The following MAP3K13 variants were observed in gnomAD, a reference collection of about 807,000 sequenced individuals.
MAP3K13 encodes leucine zipper-bearing kinase.
Under a neutral mutation model 104.0 loss-of-function variants are expected in MAP3K13, and 52 were observed. The observed-to-expected ratio is 0.50, with a 90% CI of 0.40 to 0.63. The LOEUF (loss-of-function observed/expected upper bound fraction) is 0.63, where lower values mean the gene tolerates loss of function less well. Among genes scored for constraint, MAP3K13 ranks in the 20% least tolerant of loss-of-function variants. The probability of loss-of-function intolerance (pLI) is 0.00; values close to 1 mark genes in which losing one functional copy is unlikely to be tolerated. For missense variants in MAP3K13, 914 were observed against 1,218.5 expected (o/e 0.75, Z 3.72); for synonymous variants, 394 against 442.2 (o/e 0.89, Z 1.37).
chr3:185,374,907 C>T (rs1255194936), intron 1 of MAP3K13, among the ~76,000 whole-genome samples: 1 of 151,950 alleles, frequency 6.6e-6, no homozygotes, highest in Non-Finnish European at 1.5e-5. Context: ...TAGAGGGTGG[C>T]ATAAGAATGG....
At chr3:185,292,285 A>C (rs983703748) in intron 2 of MAP3K13, 1 of 152,426 alleles carries the variant, frequency 6.6e-6, no homozygotes, top group African/African-American at 2.4e-5. Flanking sequence ...AGCCTGGGTG[A>C]CAGAGCGAGA....
intron 2 of MAP3K13, among the ~76,000 whole-genome samples, chr3:185,313,819 A>T (rs1721581375): frequency 6.6e-6 from 1 of 152,152 alleles, no homozygotes; most frequent in Non-Finnish European, 1.5e-5. Context: ...GTAACCCAGA[A>T]ACTGGCTACC....
At chr3:185,384,316 G>GTGTC (rs1471103269) in intron 1 of MAP3K13, among the ~76,000 whole-genome samples, 1 of 151,516 alleles carries the variant, frequency 6.6e-6, no homozygotes, top group African/African-American at 2.4e-5. Flanking sequence ...TTCTGTGTGT[G>GTGTC]TGTGTGTGTG....
chr3:185,448,234 TTAGTA>T (rs1715698169), intron 5 of MAP3K13: 1 of 457,334 alleles, frequency 2.2e-6, no homozygotes, highest in African/African-American at 2.0e-5. Flanking sequence ...AAATGATCAT[TTAGTA>T]TAGAAGTCTT....
At chr3:185,407,869 ATTTTT>A (rs35693572) in intron 1 of MAP3K13, among the ~76,000 whole-genome samples, 1 of 69,086 alleles carries the variant, frequency 1.4e-5, no homozygotes, top group Non-Finnish European at 2.7e-5. Context: ...AATTTTGAGA[ATTTTT>A]TTTTTTTTTT....
rs1560118249 is a variant in MAP3K13, at chr3:185,455,057, G to GATATATA, written c.1278+3662_1278+3663insATATATA. 4.5e-5 allele frequency among the ~76,000 whole-genome samples: 4 copies of GATATATA among 89,200 alleles called. 1 individual carries two copies. The highest frequency in any genetic ancestry group is 1.8e-4 in the African/African-American group (4 of 21,646). The allele number at this position is 89,200 out of a possible 152,430, so 58.5% of individuals were successfully genotyped here. On this transcript the variant is annotated intron_variant, in intron 7 of 13. Transcript: ENST00000265026. ...TATATGATATATATATGAGATATAT[G>GATATATA]TGAGATATATATGAGATATATGTGA...
chr3:185,417,805 A>G, intron 1 of MAP3K13: 2 of 1,611,880 alleles, frequency 1.2e-6, no homozygotes, highest in African/African-American at 2.7e-5. Flanking sequence ...TAGCTTCAAC[A>G]TGATTCTCAA....
At chr3:185,339,633 C>A (rs1431643128) in intron 2 of MAP3K13, among the ~76,000 whole-genome samples, 1 of 152,148 alleles carries the variant, frequency 6.6e-6, no homozygotes, top group African/African-American at 2.4e-5. Flanking sequence ...TTTTGTGAGC[C>A]ATGTAGTCTC....
upstream of MAP3K13, among the ~76,000 whole-genome samples, chr3:185,360,232 A>G (rs1010945432): frequency 1.3e-5 from 2 of 152,184 alleles, no homozygotes; most frequent in Non-Finnish European, 2.9e-5. Context: ...CTAGAGTTGC[A>G]TTGTTGCATA....
intron 2 of MAP3K13, among the ~76,000 whole-genome samples, chr3:185,296,071 T>C (rs1337377456): frequency 6.6e-6 from 1 of 152,128 alleles, no homozygotes; most frequent in Non-Finnish European, 1.5e-5. Context: ...CTCCAGTCTC[T>C]ACAAAATAAA....
At chr3:185,427,513 G>A (rs938634367) in intron 1 of MAP3K13, among the ~76,000 whole-genome samples, 5 of 152,302 alleles carry the variant, frequency 3.3e-5, no homozygotes, top group African/African-American at 1.2e-4. Context: ...CAAGTTTAAA[G>A]AGCTAGGGCT....
Position 185,473,265 on chromosome 3 carries a change from C to T in MAP3K13, c.1934C>T (p.Pro645Leu), listed in dbSNP as rs753989379. The change falls in exon 11 of 14, where the codon CCT (proline) becomes CTT (leucine). Residue 645 changes from proline to leucine, a missense_variant. By Grantham distance (98) the Pro-to-Leu change is moderately conservative. This residue lies in a region of MAP3K13 where 583 missense variants were observed against 737.4 expected (regional missense o/e 0.79). Transcript: ENST00000265026. This position sits in a 1 kb window ranked among gnomAD's most constrained non-coding sequence, Gnocchi z 4.9. ...NSLQQQYQQP[P>L]PAMSQSHHPR... The stretch of plus-strand genomic sequence containing the variant: ...CTGCAGCAGCAATACCAGCAGCCCC[C>T]TCCTGCCATGTCCCAGAGTCACCAT... 8 of 1,614,224 alleles carry T rather than the reference C, an allele frequency of 5.0e-6. No homozygotes were observed. The South Asian group carries it at 7.7e-5, about 16-fold the overall frequency.
At chr3:185,467,271 C>T (rs1468605339) in intron 10 of MAP3K13, among the ~76,000 whole-genome samples, 1 of 152,208 alleles carries the variant, frequency 6.6e-6, no homozygotes, top group Non-Finnish European at 1.5e-5. Flanking sequence ...CCTCTGTCAA[C>T]CCCAGTGTCC....
chr3:185,392,040 C>T (rs909974231), intron 1 of MAP3K13, among the ~76,000 whole-genome samples: 2 of 152,090 alleles, frequency 1.3e-5, no homozygotes, highest in African/African-American at 4.8e-5. Flanking sequence ...AGAATATGTT[C>T]TTGCATGACT....
chr3:185,403,621 A>G (rs1435644236), intron 1 of MAP3K13, among the ~76,000 whole-genome samples: 3 of 152,156 alleles, frequency 2.0e-5, no homozygotes, highest in Admixed American at 1.3e-4. Flanking sequence ...TTGTCAATTT[A>G]TTTTTTACTG....
chr3:185,458,979 G>C (rs1346803404), intron 7 of MAP3K13, among the ~76,000 whole-genome samples: 1 of 152,140 alleles, frequency 6.6e-6, no homozygotes, highest in African/African-American at 2.4e-5. Flanking sequence ...AATTACATTT[G>C]ACATGAGTCT....
intron 1 of MAP3K13, among the ~76,000 whole-genome samples, chr3:185,415,542 T>G (rs1713705367): frequency 6.6e-6 from 1 of 151,274 alleles, no homozygotes; most frequent in Non-Finnish European, 1.5e-5. Flanking sequence ...TCTCCTAATT[T>G]AACATCACAG....
At chr3:185,433,628 T>C (rs1180417751) in intron 2 of MAP3K13, among the ~76,000 whole-genome samples, 1 of 152,194 alleles carries the variant, frequency 6.6e-6, no homozygotes, top group Non-Finnish European at 1.5e-5. Flanking sequence ...ATAGAAACAT[T>C]GTTGAAGCAT....
chr3:185,354,607 AT>A (rs1477432685), intron 2 of MAP3K13, among the ~76,000 whole-genome samples: 1 of 36,326 alleles, frequency 2.8e-5, no homozygotes, highest in Non-Finnish European at 7.0e-5. Flanking sequence ...TGTTATAAGT[AT>A]GGGGGGGGGG....
Sources: gnomAD v4.1 joint callset for allele counts (sites outside exome capture counted in the v4.1 genomes callset) on GRCh38, gnomAD v4.1.1 for gene constraint, gnomAD v4.1.1 regional missense constraint, Gnocchi (gnomAD v3.1) non-coding constraint, MANE v1.5 for transcripts, NCBI Gene and HGNC (gene_info 2026-07-23, HGNC 2026-07-21) for gene names.